CD58: variants seen among roughly 807,000 people sequenced by gnomAD.
CD58 encodes lymphocyte function-associated antigen 3.
Under a neutral mutation model 27.6 loss-of-function variants are expected in CD58, and 14 were observed. That is an observed-to-expected ratio of 0.51 (90% CI 0.34 to 0.79). The LOEUF is 0.79. Among genes scored for constraint, CD58 ranks in the 30% least tolerant of loss-of-function variants. The pLI, the probability that CD58 is intolerant of heterozygous loss-of-function variation, is 0.02. For missense variants in CD58, 268 were observed against 301.7 expected, an observed-to-expected ratio of 0.89 and a Z score of 0.83; for synonymous variants, 117 against 103.8, an observed-to-expected ratio of 1.13 and a Z score of -0.77.
intron 3 of CD58, among the ~76,000 whole-genome samples, chr1:116,535,713 C>T (rs1472173632): frequency 3.1e-5 from 4 of 129,226 alleles, no homozygotes; most frequent in Non-Finnish European, 3.1e-5. Flanking sequence ...TGGTGGCGGG[C>T]GCCTGTAGTC....
Position 116,533,798 on chromosome 1 carries a change from A to G in CD58, c.628+2167T>C. On this transcript the variant is annotated intron_variant, in intron 3 of 5. Coordinates refer to ENST00000369489, the MANE Select transcript of CD58 (RefSeq NM_001779.3). ...CTTCTCTCGTCAAAGAGAGGCTGGT[A>G]TAATGCTGCATATTTTCTTTCCAAG... The G allele has an allele frequency of 5.4e-6, 4 of 746,502 alleles. No homozygotes were observed. In the East Asian group the frequency reaches 1.0e-4, roughly 19 times the overall value. The allele number at this position is 746,502 out of a possible 1,614,324, so 46.2% of individuals were successfully genotyped here. A position where few individuals can be genotyped will look rare whatever the true frequency, so the allele number is the denominator to read the frequency against.
At chr1:116,530,901 G>A (rs574359864) in intron 3 of CD58, among the ~76,000 whole-genome samples, 34 of 152,020 alleles carry the variant, frequency 2.2e-4, no homozygotes, top group Admixed American at 4.6e-4. Context: ...CAGAAACCAG[G>A]GTCAGAAGCC....
chr1:116,565,545 C>A (rs1381312042), intron 1 of CD58, among the ~76,000 whole-genome samples: 2 of 151,796 alleles, frequency 1.3e-5, no homozygotes, highest in African/African-American at 4.8e-5. Context: ...AGGGACTGTA[C>A]AGCTGTGAAA....
At chr1:116,540,350 T>TAA (rs60462818) in intron 2 of CD58, among the ~76,000 whole-genome samples, 2 of 143,560 alleles carry the variant, frequency 1.4e-5, no homozygotes, top group Admixed American at 6.9e-5. Flanking sequence ...CCTCTTTTCT[T>TAA]AAAAAAAAAA....
chr1:116,526,534 T>G (rs1314972506), intron 3 of CD58, among the ~76,000 whole-genome samples: 1 of 152,232 alleles, frequency 6.6e-6, no homozygotes, highest in Non-Finnish European at 1.5e-5. Flanking sequence ...TCTATTCCGA[T>G]TCACTGATCT....
chr1:116,558,718 A>G (rs1323396116), intron 1 of CD58, among the ~76,000 whole-genome samples: 1 of 152,222 alleles, frequency 6.6e-6, no homozygotes, highest in Non-Finnish European at 1.5e-5. Flanking sequence ...AGCTCTTAGC[A>G]AGTCCAATCC....
At chr1:116,556,586 A>G (rs1658576607) in intron 1 of CD58, among the ~76,000 whole-genome samples, 1 of 152,220 alleles carries the variant, frequency 6.6e-6, no homozygotes, top group African/African-American at 2.4e-5. Context: ...CAGGTGAGGC[A>G]CTAAGCTCTG....
At chr1:116,567,537 C>T (rs1658981397) in intron 1 of CD58, among the ~76,000 whole-genome samples, 1 of 152,106 alleles carries the variant, frequency 6.6e-6, no homozygotes. Context: ...ACTCAGAAGG[C>T]TGAGGTGGCA....
rs1031417940 is a variant in CD58 at position 116,570,587 on chromosome 1, G to C, written c.70+316C>G. Among the ~76,000 whole-genome samples the C allele has an allele frequency of 8.5e-5, 13 of 152,112 alleles. No homozygotes were observed. Among genetic ancestry groups the C allele is most frequent in the African/African-American group, 3.1e-4 (13 of 41,440 alleles). ...CAGCGACGTTACTGGGGAAGCCCAG[G>C]AAGGAACTTGGTCACTGGAGCTCGG... is the stretch of plus-strand genomic sequence containing the variant. On this transcript the variant is annotated intron_variant, in intron 1 of 5. Transcript: ENST00000369489. This position sits in a 1 kb window ranked among gnomAD's most constrained non-coding sequence, Gnocchi z 6.4.
chr1:116,543,025 T>A (rs1228207432), intron 2 of CD58, among the ~76,000 whole-genome samples: 1 of 151,994 alleles, frequency 6.6e-6, no homozygotes, highest in African/African-American at 2.4e-5. Flanking sequence ...TTGAGGTAAG[T>A]GATTAGAGAA....
rs909869862 is a variant in CD58 at position 116,536,307 on chromosome 1, C to T, written c.365-79G>A. The T allele has an allele frequency of 3.9e-5, 41 of 1,052,856 alleles. No homozygotes were observed. Among genetic ancestry groups the T allele is most frequent in the Admixed American group, 4.9e-5 (2 of 40,740 alleles). 65.2% of individuals were successfully genotyped at this position (1,052,856 alleles called of 1,614,324 possible). A position where few individuals can be genotyped will look rare whatever the true frequency, so the allele number is the denominator to read the frequency against. On this transcript the variant is annotated intron_variant, in intron 2 of 5. Transcript: ENST00000369489. The surrounding 1 kb of genome is among the most constrained non-coding windows in gnomAD (Gnocchi z 5.4). ...CATCTGCAAATTTATGAAGAGCTCG[C>T]AACCTCCTTACAAGCTTGAAAGGAT...
intron 3 of CD58, 127 bp downstream of exon 3, chr1:116,535,838 C>A (rs2101176527): frequency 2.6e-6 from 1 of 385,434 alleles, no homozygotes; most frequent in African/African-American, 6.4e-5. Flanking sequence ...GAGACTCTGT[C>A]TCAAAAAAAA....
In CD58 at chr1:116,552,033, C is replaced by T. The variant is rs1226019988; in HGVS notation, c.71-7429G>A. On this transcript the variant is annotated intron_variant, in intron 1 of 5. Coordinates refer to ENST00000369489, the MANE Select transcript of CD58 (RefSeq NM_001779.3). The surrounding 1 kb of genome is among the most constrained non-coding windows in gnomAD (Gnocchi z 4.5). ...GGGATTACAGTTGTGAGCCACCACG[C>T]CCGGCCACCTGTCATGGCTTTTCAC... Among the ~76,000 whole-genome samples, 1 of 152,224 alleles carries T rather than the reference C, an allele frequency of 6.6e-6. No homozygotes were observed. Among genetic ancestry groups the T allele is most frequent in the Non-Finnish European group, 1.5e-5 (1 of 68,044 alleles).
In CD58 at chr1:116,534,653, G is replaced by A. The variant is rs1353125710; in HGVS notation, c.628+1312C>T. Among the ~76,000 whole-genome samples, 8 of 152,182 alleles carry A rather than the reference G, an allele frequency of 5.3e-5. No homozygotes were observed. Among genetic ancestry groups the A allele is most frequent in the Non-Finnish European group, 1.2e-4 (8 of 68,006 alleles). On this transcript the variant is annotated intron_variant, in intron 3 of 5. Coordinates refer to ENST00000369489, the MANE Select transcript of CD58 (RefSeq NM_001779.3). The surrounding 1 kb of genome is among the most constrained non-coding windows in gnomAD (Gnocchi z 5.3). ...CCCCAAGCCCCAGGCCCGCCGCGGC[G>A]GCGCTGCCCACCCTGACGAGGACGT...
intron 1 of CD58, among the ~76,000 whole-genome samples, chr1:116,554,851 T>C (rs987427663): frequency 2.0e-5 from 3 of 152,192 alleles, no homozygotes; most frequent in Non-Finnish European, 4.4e-5. Flanking sequence ...AAAACTAATA[T>C]CTACCTCTAC....
At position 116,553,770 on chromosome 1, in the gene CD58, C is replaced by T. The variant is rs541968121; in HGVS notation, c.71-9166G>A. ...ACATTTCTAGTGGCTCCAATGGAGG[C>T]CATTAGGACCATCACCTTGGGAGAG... On this transcript the variant is annotated intron_variant, in intron 1 of 5. Transcript: ENST00000369489. 2.0e-5 allele frequency among the ~76,000 whole-genome samples: 3 copies of T among 152,200 alleles called. 1 individual carries two copies. In the East Asian group the frequency reaches 5.8e-4, roughly 29 times the overall value.
chr1:116,554,931 A>AAC (rs1658516708), intron 1 of CD58, among the ~76,000 whole-genome samples: 1 of 152,220 alleles, frequency 6.6e-6, no homozygotes, highest in Admixed American at 6.5e-5. Context: ...TTCCAAGGCC[A>AAC]ACACTAAAGT....
intron 1 of CD58, among the ~76,000 whole-genome samples, chr1:116,548,640 C>G (rs924674723): frequency 6.7e-6 from 1 of 149,644 alleles, no homozygotes; most frequent in African/African-American, 2.4e-5. Context: ...AGGCTATTAG[C>G]AGTTAAGTTT....
At chr1:116,569,748 T>C (rs75388418) in intron 1 of CD58, among the ~76,000 whole-genome samples, 7 of 151,958 alleles carry the variant, frequency 4.6e-5, no homozygotes, top group African/African-American at 1.5e-4. Flanking sequence ...ACTATAGGTA[T>C]GCGCCACCAC....
Sources: allele counts gnomAD v4.1 joint callset (sites outside exome capture counted in the v4.1 genomes callset), GRCh38; gene constraint gnomAD v4.1.1; non-coding constraint Gnocchi (gnomAD v3.1); transcripts MANE v1.5; gene names NCBI Gene and HGNC (gene_info 2026-07-23, HGNC 2026-07-21).